Variants in RBFOX1 observed in about 807,000 individuals in gnomAD.
The protein encoded by RBFOX1 is RNA binding fox-1 homolog 1.
In RBFOX1, 8 loss-of-function variants were observed where a neutral mutation model predicts 57.7. The observed-to-expected ratio is 0.14, with a 90% CI of 0.08 to 0.25. RBFOX1 has a LOEUF of 0.25. RBFOX1 is among the 10% of genes least tolerant of loss of function. RBFOX1 has a pLI of 1.00. For missense variants in RBFOX1, 611 were observed against 548.5 expected, an observed-to-expected ratio of 1.11 and a Z score of -1.14; for synonymous variants, 326 against 222.4, an observed-to-expected ratio of 1.47 and a Z score of -4.15.
rs2060803481 is a variant in RBFOX1, at chr16:7,630,655, C to T, written c.729C>T (p.Ala243=). 4.3e-6 allele frequency: 7 copies of T among 1,614,138 alleles called. No homozygotes were observed. Among genetic ancestry groups the T allele is most frequent in the Non-Finnish European group, 5.1e-6 (6 of 1,180,038 alleles). The change falls in exon 11 of 16, where the codon GCC becomes GCT. Residue 243 remains alanine (A), a synonymous_variant. Transcript: ENST00000550418. ...ANQEGSSMYS[A]PSSLVYTSAM... ...AGGAGGGATCTTCCATGTACAGTGC[C>T]CCCAGTTCACTTGTATATACTTCTG...
At chr16:7,358,521 A>G (rs1258588039) in intron 4 of RBFOX1, among the ~76,000 whole-genome samples, 1 of 152,106 alleles carries the variant, frequency 6.6e-6, no homozygotes, top group Non-Finnish European at 1.5e-5. Flanking sequence ...CCCGGGTTCA[A>G]GCAATTCTCT....
chr16:7,084,900 A>G (rs1420997320), intron 4 of RBFOX1, among the ~76,000 whole-genome samples: 1 of 152,050 alleles, frequency 6.6e-6, no homozygotes, highest in African/African-American at 2.4e-5. Flanking sequence ...CCGTTTGTCC[A>G]ACCAGCCATT....
intron 3 of RBFOX1, among the ~76,000 whole-genome samples, chr16:5,806,030 C>T (rs1003533019): frequency 7.9e-5 from 12 of 152,004 alleles, no homozygotes; most frequent in Admixed American, 2.0e-4. Context: ...GCTCACATTC[C>T]CATTGGGAGT....
chr16:5,764,218 C>T (rs1024466676), intron 3 of RBFOX1, among the ~76,000 whole-genome samples: 1 of 152,172 alleles, frequency 6.6e-6, no homozygotes, highest in African/African-American at 2.4e-5. Flanking sequence ...ATCTGGACAC[C>T]ACATCATGGT....
intron 3 of RBFOX1, among the ~76,000 whole-genome samples, chr16:5,784,643 A>G (rs1481535647): frequency 2.6e-5 from 4 of 152,124 alleles, no homozygotes; most frequent in Non-Finnish European, 5.9e-5. Flanking sequence ...CCTGTTGATT[A>G]CATTTCAACA....
At chr16:6,768,869 T>C (rs12325472) in intron 3 of RBFOX1, among the ~76,000 whole-genome samples, 17,480 of 151,574 alleles carry the variant, frequency 0.12, 1,222 homozygotes, top group African/African-American at 0.2. Flanking sequence ...GCTGGGACTA[T>C]AGGCACCCAC....
intron 12 of RBFOX1, among the ~76,000 whole-genome samples, chr16:7,663,810 C>T (rs531454039): frequency 1.3e-5 from 2 of 152,170 alleles, no homozygotes; most frequent in Non-Finnish European, 2.9e-5. Context: ...TTACAAAAAC[C>T]TGTGAAGGCT....
intron 6 of RBFOX1, among the ~76,000 whole-genome samples, chr16:7,585,866 C>G (rs1216344310): frequency 1.3e-5 from 2 of 152,112 alleles, no homozygotes; most frequent in Admixed American, 6.5e-5. Context: ...TCAGGCAAAC[C>G]TCCCCTGCTT....
At chr16:6,015,624 C>A (rs938622297), upstream of RBFOX1, among the ~76,000 whole-genome samples, 1 of 152,182 alleles carries the variant, frequency 6.6e-6, no homozygotes, top group African/African-American at 2.4e-5. Flanking sequence ...AACAGATTTG[C>A]TGTTCCTAGA....
intron 2 of RBFOX1, among the ~76,000 whole-genome samples, chr16:5,548,794 A>G (rs2045337996): frequency 6.6e-6 from 1 of 152,176 alleles, no homozygotes; most frequent in Non-Finnish European, 1.5e-5. Context: ...ACACTTAAAC[A>G]CTAAATTCAA....
At chr16:6,436,324 T>G (rs146642003) in intron 2 of RBFOX1, among the ~76,000 whole-genome samples, 3 of 152,278 alleles carry the variant, frequency 2.0e-5, no homozygotes, top group Non-Finnish European at 2.9e-5. Flanking sequence ...CTTTTCTCTG[T>G]TAGTATATTT....
At chr16:7,674,499 G>A (rs934948525) in intron 13 of RBFOX1, among the ~76,000 whole-genome samples, 12 of 152,104 alleles carry the variant, frequency 7.9e-5, no homozygotes, top group African/African-American at 1.9e-4. Flanking sequence ...AAATCTCTCC[G>A]CTGGCTCTGG....
At chr16:6,758,794 A>G (rs573872635) in intron 3 of RBFOX1, among the ~76,000 whole-genome samples, 3 of 152,314 alleles carry the variant, frequency 2.0e-5, no homozygotes, top group Non-Finnish European at 2.9e-5. Flanking sequence ...GAGAGGGACA[A>G]TCATCTCTTA....
intron 4 of RBFOX1, among the ~76,000 whole-genome samples, chr16:7,119,941 C>G (rs1373403080): frequency 6.6e-6 from 1 of 152,048 alleles, no homozygotes; most frequent in Non-Finnish European, 1.5e-5. Flanking sequence ...CAAGATAAAC[C>G]ATATTCTGTA....
chr16:5,859,691 T>C (rs1288715639), intron 3 of RBFOX1, among the ~76,000 whole-genome samples: 4 of 152,280 alleles, frequency 2.6e-5, no homozygotes, highest in Non-Finnish European at 4.4e-5. Context: ...ACCTTGAACA[T>C]ATTGTTTTGC....
chr16:7,504,401 A>C (rs1198341759), intron 4 of RBFOX1, among the ~76,000 whole-genome samples: 4 of 151,904 alleles, frequency 2.6e-5, no homozygotes, highest in Non-Finnish European at 5.9e-5. Context: ...GGGTGGCAGG[A>C]ACATGGTCTT....
intron 2 of RBFOX1, among the ~76,000 whole-genome samples, chr16:5,502,607 A>G (rs988940557): frequency 6.6e-6 from 1 of 152,158 alleles, no homozygotes; most frequent in Non-Finnish European, 1.5e-5. Flanking sequence ...GAGAAAATGC[A>G]ATCAGGTCCA....
intron 3 of RBFOX1, among the ~76,000 whole-genome samples, chr16:6,754,222 G>A (rs937281139): frequency 1.3e-5 from 2 of 152,056 alleles, no homozygotes; most frequent in African/African-American, 4.8e-5. Context: ...TATGCTCTGG[G>A]GTTCAAATGA....
At chr16:7,096,342 C>T (rs558610871) in intron 4 of RBFOX1, among the ~76,000 whole-genome samples, 2 of 152,256 alleles carry the variant, frequency 1.3e-5, no homozygotes, top group South Asian at 4.1e-4. Flanking sequence ...GATCATCTCA[C>T]CATGTCATGG....
Sources: allele counts gnomAD v4.1 joint callset (sites outside exome capture counted in the v4.1 genomes callset), GRCh38; gene constraint gnomAD v4.1.1; transcripts MANE v1.5; gene names NCBI Gene and HGNC (gene_info 2026-07-23, HGNC 2026-07-21).